Variants in CNBD1 observed in about 807,000 individuals in gnomAD.
The protein encoded by CNBD1 is cyclic nucleotide binding domain containing 1, also known as cyclic nucleotide-binding domain-containing protein 1.
CNBD1 carries 71 observed loss-of-function variants against 54.4 expected under a neutral mutation model. The observed-to-expected ratio is 1.30, with a 90% confidence interval of 1.08 to 1.59. The LOEUF (loss-of-function observed/expected upper bound fraction) is 1.59, where lower values mean the gene tolerates loss of function less well. CNBD1 is among the 40% of genes most tolerant of loss of function. The pLI, the probability that CNBD1 is intolerant of heterozygous loss-of-function variation, is 0.00. For synonymous variants in CNBD1, 182 were observed against 170.7 expected, an observed-to-expected ratio of 1.07 and a Z score of -0.51; for missense variants, 659 against 518.0, an observed-to-expected ratio of 1.27 and a Z score of -2.64.
rs902358723 is a variant in CNBD1 at position 87,224,665 on chromosome 8, G to A, written c.578-12254G>A. On this transcript the variant is annotated intron_variant, in intron 5 of 10. Coordinates refer to ENST00000518476, the MANE Select transcript of CNBD1 (RefSeq NM_173538.3). ...CTGTAGCCTTGTAGTATAGTTTGAA[G>A]TCAGGTAGTGTGATGCCTCCAGCTT... Among the ~76,000 whole-genome samples the A allele has an allele frequency of 4.9e-4, 75 of 151,916 alleles. 1 individual carries two copies. Among genetic ancestry groups the A allele is most frequent in the African/African-American group, 1.6e-3 (68 of 41,248 alleles).
chr8:86,949,460 T>G (rs1321300237), intron 4 of CNBD1, among the ~76,000 whole-genome samples: 1 of 152,138 alleles, frequency 6.6e-6, no homozygotes, highest in African/African-American at 2.4e-5. Context: ...ATAGATATAT[T>G]TCACATATTA....
intron 10 of CNBD1, among the ~76,000 whole-genome samples, chr8:87,369,678 A>G (rs1810723552): frequency 6.6e-6 from 1 of 151,220 alleles, no homozygotes. Context: ...TGTTAGTACC[A>G]TTGAGTATCA....
chr8:87,031,232 G>A (rs939361656), intron 4 of CNBD1, among the ~76,000 whole-genome samples: 5 of 151,858 alleles, frequency 3.3e-5, no homozygotes, highest in Non-Finnish European at 7.4e-5. Flanking sequence ...AAATGGTGAA[G>A]GCAGTGTGTC....
chr8:86,993,571 C>A (rs182755954), intron 4 of CNBD1, among the ~76,000 whole-genome samples: 4 of 152,252 alleles, frequency 2.6e-5, no homozygotes, highest in Admixed American at 2.0e-4. Flanking sequence ...GCTTATAGCT[C>A]ATCTGAGAAG....
In CNBD1 at chr8:87,412,042, C is replaced by A. The variant is rs184110043; in HGVS notation, c.214-16504C>A. On this transcript the variant is annotated intron_variant, in intron 2 of 7. Coordinates refer to the CNBD1 transcript ENST00000521593. ...CATTAGTGCTTTTGGGGCACAAATA[C>A]CCTTTTTTGATAATCAGGAATTACT... 4.3e-3 allele frequency among the ~76,000 whole-genome samples: 657 copies of A among 151,962 alleles called. 1 individual carries two copies. Among genetic ancestry groups the A allele is most frequent in the Non-Finnish European group, 7.0e-3 (475 of 67,914 alleles).
chr8:87,379,201 A>C (rs55957841), intron 10 of CNBD1, among the ~76,000 whole-genome samples: 7,924 of 151,964 alleles, frequency 0.052, 647 homozygotes, highest in African/African-American at 0.18. Context: ...GTTGAATAGG[A>C]GTGGTGAGAG....
chr8:87,426,308 C>T (rs531408273), intron 2 of CNBD1, among the ~76,000 whole-genome samples: 221 of 152,284 alleles, frequency 1.5e-3, no homozygotes, highest in Non-Finnish European at 2.3e-3. Context: ...AGCTGTAGAC[C>T]GGAGCTGTTC....
At chr8:87,235,051 G>A (rs1184811717) in intron 5 of CNBD1, among the ~76,000 whole-genome samples, 1 of 152,106 alleles carries the variant, frequency 6.6e-6, no homozygotes, top group African/African-American at 2.4e-5. Flanking sequence ...TAAACCTCAT[G>A]AACCAAACTC....
intron 8 of CNBD1, among the ~76,000 whole-genome samples, chr8:87,298,190 T>G (rs1335451096): frequency 6.6e-6 from 1 of 152,040 alleles, no homozygotes; most frequent in Non-Finnish European, 1.5e-5. Flanking sequence ...AAAGGTAATT[T>G]TATATTCCAC....
At chr8:86,870,249 C>T (rs1198617319) in intron 1 of CNBD1, among the ~76,000 whole-genome samples, 3 of 132,842 alleles carry the variant, frequency 2.3e-5, no homozygotes, top group East Asian at 2.5e-4. Flanking sequence ...AGTGCAGTGG[C>T]GTGATTTCAT....
rs1398974554 is a variant in CNBD1 at position 86,949,952 on chromosome 8, T to TTTTTTG, written c.431+10203_431+10204insGTTTTT. Among the ~76,000 whole-genome samples the TTTTTTG allele has an allele frequency of 3.6e-4, 31 of 85,338 alleles. 4 individuals carry two copies. The highest frequency in any genetic ancestry group is 5.0e-4 in the South Asian group (1 of 1,988). The allele number at this position is 85,338 out of a possible 152,430, so 56.0% of individuals were successfully genotyped here. On this transcript the variant is annotated intron_variant, in intron 4 of 10. Transcript: ENST00000518476. ...ATGTTATACTTCATCAAATGCTTTT[T>TTTTTTG]TTTTTTTTTTTTTTTTTTTTTTGAG...
At chr8:87,300,609 A>G (rs1808968145) in intron 8 of CNBD1, among the ~76,000 whole-genome samples, 1 of 152,096 alleles carries the variant, frequency 6.6e-6, no homozygotes, top group Non-Finnish European at 1.5e-5. Flanking sequence ...AATTGAAAGT[A>G]TTTATCATGG....
intron 3 of CNBD1, among the ~76,000 whole-genome samples, chr8:86,908,131 G>A (rs543708106): frequency 2.4e-4 from 37 of 152,302 alleles, no homozygotes; most frequent in African/African-American, 7.9e-4. Flanking sequence ...ATGCTACATA[G>A]AAATGTTAAG....
intron 1 of CNBD1, among the ~76,000 whole-genome samples, chr8:86,884,142 ACTC>A (rs1308493653): frequency 6.7e-6 from 1 of 148,734 alleles, no homozygotes; most frequent in Non-Finnish European, 1.5e-5. Flanking sequence ...ACAGAGCGAG[ACTC>A]CGTCTCAAAA....
chr8:87,424,169 T>TC (rs1299709793), intron 2 of CNBD1, among the ~76,000 whole-genome samples: 1 of 152,086 alleles, frequency 6.6e-6, no homozygotes, highest in East Asian at 1.9e-4. Context: ...TTCTCCCTTT[T>TC]TTCTTTATTA....
chr8:87,362,548 A>C (rs924250506), intron 10 of CNBD1, among the ~76,000 whole-genome samples: 2 of 152,082 alleles, frequency 1.3e-5, no homozygotes, highest in African/African-American at 4.8e-5. Flanking sequence ...ACAGATTTTT[A>C]ATCATAACCT....
At chr8:87,096,075 A>C (rs541300745) in intron 4 of CNBD1, among the ~76,000 whole-genome samples, 2 of 152,104 alleles carry the variant, frequency 1.3e-5, no homozygotes, top group Non-Finnish European at 2.9e-5. Context: ...TCATCCTTAC[A>C]CTCTGAGGCA....
intron 8 of CNBD1, among the ~76,000 whole-genome samples, chr8:87,329,027 C>A (rs1809754716): frequency 6.7e-6 from 1 of 149,522 alleles, no homozygotes; most frequent in Admixed American, 6.7e-5. Flanking sequence ...GAGTTTTATA[C>A]TTTTCTCCTA....
chr8:87,027,312 G>T (rs1443554306), intron 4 of CNBD1, among the ~76,000 whole-genome samples: 1 of 151,956 alleles, frequency 6.6e-6, no homozygotes, highest in Non-Finnish European at 1.5e-5. Context: ...TTGCTCTGTT[G>T]CCAGGCTGGA....
Sources: gnomAD v4.1 joint callset for allele counts (sites outside exome capture counted in the v4.1 genomes callset) on GRCh38, gnomAD v4.1.1 for gene constraint, MANE v1.5 for transcripts, NCBI Gene and HGNC (gene_info 2026-07-23, HGNC 2026-07-21) for gene names.